Variants in NELL1 observed in about 807,000 individuals in gnomAD.
The protein encoded by NELL1 is neural EGFL like 1.
Under a neutral mutation model 107.4 loss-of-function variants are expected in NELL1, and 76 were observed. That is an observed-to-expected ratio of 0.71 (90% CI 0.59 to 0.86). The LOEUF is 0.86. NELL1 is among the 40% of genes least tolerant of loss of function. NELL1 has a pLI of 0.00. For synonymous variants in NELL1, 353 were observed against 341.2 expected (o/e 1.03, Z -0.38); for missense variants, 1,024 against 1,005.5 (o/e 1.02, Z -0.25).
At chr11:21,416,710 T>C (rs1391403277) in intron 15 of NELL1, among the ~76,000 whole-genome samples, 1 of 152,064 alleles carries the variant, frequency 6.6e-6, no homozygotes, top group Non-Finnish European at 1.5e-5. Flanking sequence ...TTCAGAATCA[T>C]ACATCTAATA....
intron 16 of NELL1, among the ~76,000 whole-genome samples, chr11:21,545,002 T>C (rs10833564): frequency 0.55 from 83,065 of 151,656 alleles, 23,091 homozygotes; most frequent in Non-Finnish European, 0.59. Flanking sequence ...TATATGTCTA[T>C]TTGTGTATTA....
chr11:21,144,073 A>T (rs1855922940), intron 13 of NELL1, among the ~76,000 whole-genome samples: 1 of 152,200 alleles, frequency 6.6e-6, no homozygotes, highest in African/African-American at 2.4e-5. Flanking sequence ...CCAAAATGAT[A>T]CCTAAAAACA....
intron 13 of NELL1, among the ~76,000 whole-genome samples, chr11:21,127,785 T>G (rs1855520402): frequency 6.6e-6 from 1 of 152,244 alleles, no homozygotes; most frequent in South Asian, 2.1e-4. Flanking sequence ...ATTCAATTTT[T>G]TCTTTTTACT....
chr11:20,835,046 T>A (rs1848507706), intron 3 of NELL1, among the ~76,000 whole-genome samples: 1 of 152,182 alleles, frequency 6.6e-6, no homozygotes, highest in Admixed American at 6.5e-5. Flanking sequence ...TACCTCTTCT[T>A]TCTTTGTTGC....
At chr11:21,256,940 C>A (rs974237712) in intron 14 of NELL1, among the ~76,000 whole-genome samples, 1 of 151,942 alleles carries the variant, frequency 6.6e-6, no homozygotes, top group African/African-American at 2.4e-5. Flanking sequence ...ACAGCAGGAA[C>A]CCAATCCTGG....
chr11:20,713,486 C>T (rs369641968), intron 2 of NELL1, among the ~76,000 whole-genome samples: 3 of 152,164 alleles, frequency 2.0e-5, no homozygotes, highest in East Asian at 1.9e-4. Context: ...CCAACACCCA[C>T]GCAGTTGGTG....
chr11:21,094,291 T>G (rs1231459588), intron 12 of NELL1, among the ~76,000 whole-genome samples: 1 of 152,228 alleles, frequency 6.6e-6, no homozygotes, highest in Non-Finnish European at 1.5e-5. Context: ...CCCATGGTTT[T>G]GGGCAGCTCT....
At chr11:21,465,587 T>C (rs1854009266) in intron 15 of NELL1, among the ~76,000 whole-genome samples, 1 of 152,116 alleles carries the variant, frequency 6.6e-6, no homozygotes, top group Non-Finnish European at 1.5e-5. Context: ...CCCTAGTTTT[T>C]TTCTCTTTCT....
intron 15 of NELL1, among the ~76,000 whole-genome samples, chr11:21,444,501 G>T (rs1377246726): frequency 1.3e-5 from 2 of 151,972 alleles, no homozygotes; most frequent in African/African-American, 4.8e-5. Flanking sequence ...GCATTATTTT[G>T]AGTCTTTGCT....
At chr11:21,548,435 G>C (rs1856494936) in intron 16 of NELL1, among the ~76,000 whole-genome samples, 1 of 151,830 alleles carries the variant, frequency 6.6e-6, no homozygotes, top group Non-Finnish European at 1.5e-5. Flanking sequence ...TGGCTGGGGA[G>C]GCCTCAAAAT....
At chr11:21,402,503 T>C (rs979388164) in intron 15 of NELL1, among the ~76,000 whole-genome samples, 4 of 151,890 alleles carry the variant, frequency 2.6e-5, no homozygotes, top group African/African-American at 9.7e-5. Context: ...TAGCCAGATG[T>C]TTTTATAAAA....
At chr11:21,247,855 G>A (rs960111059) in intron 14 of NELL1, among the ~76,000 whole-genome samples, 4 of 152,154 alleles carry the variant, frequency 2.6e-5, no homozygotes, top group East Asian at 1.9e-4. Flanking sequence ...ACTGGGCTAC[G>A]ACATTATGAC....
intron 4 of NELL1, among the ~76,000 whole-genome samples, chr11:20,862,840 A>G (rs928157566): frequency 1.3e-5 from 2 of 152,090 alleles, no homozygotes; most frequent in African/African-American, 4.8e-5. Context: ...CATCTGTTCA[A>G]CAAAGCACAT....
chr11:21,320,016 A>C (rs935728821), intron 14 of NELL1, among the ~76,000 whole-genome samples: 3 of 150,904 alleles, frequency 2.0e-5, no homozygotes, highest in Non-Finnish European at 4.4e-5. Flanking sequence ...GGAATTGGGG[A>C]TATACCTCAA....
chr11:20,738,995 A>G (rs569540356), intron 2 of NELL1, among the ~76,000 whole-genome samples: 17 of 152,342 alleles, frequency 1.1e-4, no homozygotes, highest in African/African-American at 3.6e-4. Context: ...GAGTTGTCCT[A>G]TATAATTGCC....
chr11:20,925,578 A>G (rs181976774), intron 7 of NELL1, among the ~76,000 whole-genome samples: 1 of 151,700 alleles, frequency 6.6e-6, no homozygotes, highest in East Asian at 1.9e-4. Context: ...GAGTCACTGC[A>G]CTTGACCTAG....
intron 2 of NELL1, among the ~76,000 whole-genome samples, chr11:20,744,302 T>C (rs1855954510): frequency 6.6e-6 from 1 of 152,326 alleles, no homozygotes; most frequent in Non-Finnish European, 1.5e-5. Flanking sequence ...AGTTTTACCT[T>C]ATCTGACTCC....
intron 2 of NELL1, among the ~76,000 whole-genome samples, chr11:20,735,979 A>G (rs1855752691): frequency 6.6e-6 from 1 of 152,144 alleles, no homozygotes; most frequent in African/African-American, 2.4e-5. Flanking sequence ...CCGGGATGCC[A>G]TATGTGAGTG....
chr11:21,184,237 T>C (rs1424012059), intron 13 of NELL1, among the ~76,000 whole-genome samples: 1 of 151,876 alleles, frequency 6.6e-6, no homozygotes, highest in East Asian at 1.9e-4. Context: ...TCTTAGTTCA[T>C]TGGCATGCAA....
Sources: gnomAD v4.1 joint callset for allele counts (sites outside exome capture counted in the v4.1 genomes callset) on GRCh38, gnomAD v4.1.1 for gene constraint, MANE v1.5 for transcripts, NCBI Gene and HGNC (gene_info 2026-07-23, HGNC 2026-07-21) for gene names.